Variants in CCL28 observed in about 807,000 individuals in gnomAD.
The protein encoded by CCL28 is C-C motif chemokine ligand 28.
A neutral mutation model predicts 7.1 loss-of-function variants in CCL28; 4 were observed. That is an observed-to-expected ratio of 0.56 (90% CI 0.28 to 1.29). The LOEUF (loss-of-function observed/expected upper bound fraction) is 1.29, where lower values mean the gene tolerates loss of function less well. Among genes scored for constraint, CCL28 ranks in the 50% most tolerant of loss-of-function variants. The probability of loss-of-function intolerance (pLI) is 0.11; values close to 1 mark genes in which losing one functional copy is unlikely to be tolerated. For synonymous variants in CCL28, 55 were observed against 57.8 expected (o/e 0.95, Z 0.22); for missense variants, 151 against 163.4 (o/e 0.92, Z 0.41).
At chr5:43,371,239 G>A in the CCL28 span, among the ~76,000 whole-genome samples, 1 of 152,090 alleles carries the variant, frequency 6.6e-6, no homozygotes, top group Non-Finnish European at 1.5e-5. Context: ...CTTCTCCCCA[G>A]AGTAACCATT....
rs1740020879 is a variant in CCL28, at chr5:43,379,530, T to C, written c.*2330A>G. On this transcript the variant is annotated 3_prime_UTR_variant, in exon 3 of 3. Transcript: ENST00000361115. ...AAAGCTTGCAGAAATGTCAGGAAAA[T>C]AAATAAATTAAATGCTAAATAGTCA... 6.6e-6 allele frequency: 1 copy of C among 152,000 alleles called. No individual in the cohort carries two copies. The highest frequency in any genetic ancestry group is 1.5e-5 in the Non-Finnish European group (1 of 67,986). 9.4% of individuals were successfully genotyped at this position (152,000 alleles called of 1,614,324 possible).
At chr5:43,364,275 C>G in the CCL28 span, among the ~76,000 whole-genome samples, 2 of 151,494 alleles carry the variant, frequency 1.3e-5, no homozygotes, top group South Asian at 4.2e-4. Flanking sequence ...AAGGAAAGGA[C>G]AGTAATTTTC....
chr5:43,361,608 T>C, the CCL28 span, among the ~76,000 whole-genome samples: 1 of 152,150 alleles, frequency 6.6e-6, no homozygotes, highest in South Asian at 2.1e-4. Flanking sequence ...TCTTCCATGG[T>C]TTTTATAGTT....
chr5:43,374,742 CTGCAATCCAGCT>C (rs890826533), downstream of CCL28, among the ~76,000 whole-genome samples: 1 of 148,532 alleles, frequency 6.7e-6, no homozygotes, highest in Non-Finnish European at 1.5e-5. Flanking sequence ...GATCGAGCCA[CTGCAATCCAGCT>C]TGGGCGACAG....
At chr5:43,409,398 C>T (rs894521012) in intron 1 of CCL28, among the ~76,000 whole-genome samples, 1 of 152,062 alleles carries the variant, frequency 6.6e-6, no homozygotes, top group African/African-American at 2.4e-5. Context: ...TGCACTCCAG[C>T]CTGGGCGACA....
the CCL28 span, among the ~76,000 whole-genome samples, chr5:43,359,861 C>T: frequency 2.6e-3 from 397 of 152,114 alleles, 1 homozygote; most frequent in Middle Eastern, 0.017. Context: ...CAAAATCAGT[C>T]CCATGGCCCC....
chr5:43,401,661 A>T (rs757322833), intron 1 of CCL28, among the ~76,000 whole-genome samples: 40 of 152,232 alleles, frequency 2.6e-4, no homozygotes, highest in Non-Finnish European at 4.9e-4. Flanking sequence ...AACACTCAAT[A>T]AATGGAAACA....
In CCL28 at chr5:43,379,843, G is replaced by A. The variant is rs564001256; in HGVS notation, c.*2017C>T. On this transcript the variant is annotated 3_prime_UTR_variant, in exon 3 of 3. Transcript: ENST00000361115. ...GGTATCAACTCAAACGTGTGAGCCC[G>A]GCATGGTGGCTCACGCTGGTAATTC... 3.3e-5 allele frequency: 5 copies of A among 152,342 alleles called. No homozygotes were observed. The highest frequency in any genetic ancestry group is 7.2e-5 in the African/African-American group (3 of 41,556). 9.4% of individuals were successfully genotyped at this position (152,342 alleles called of 1,614,324 possible).
intron 1 of CCL28, chr5:43,396,978 G>A (rs1044731699): frequency 3.3e-5 from 5 of 152,178 alleles, no homozygotes; most frequent in African/African-American, 1.2e-4. Flanking sequence ...TTACCTGGGC[G>A]ACGTCCAGCC....
chr5:43,373,209 G>A (rs776720926), downstream of CCL28, among the ~76,000 whole-genome samples: 8 of 152,154 alleles, frequency 5.3e-5, no homozygotes, highest in Non-Finnish European at 1.0e-4. Flanking sequence ...ACTAGATAGT[G>A]AAGACAGTTC....
intron 1 of CCL28, 63 bp downstream of exon 1, chr5:43,412,190 G>A: frequency 7.3e-7 from 1 of 1,370,806 alleles, no homozygotes; most frequent in Non-Finnish European, 1.0e-6. Context: ...AATCCTTCCA[G>A]CACAGATTTG....
At chr5:43,370,410 G>A in the CCL28 span, among the ~76,000 whole-genome samples, 1 of 151,852 alleles carries the variant, frequency 6.6e-6, no homozygotes, top group Admixed American at 6.6e-5. Context: ...CTTGGTGGTT[G>A]GCATGATACA....
the CCL28 span, among the ~76,000 whole-genome samples, chr5:43,360,311 C>T: frequency 4.5e-3 from 688 of 151,926 alleles, no homozygotes; most frequent in Non-Finnish European, 7.5e-3. Context: ...ATTTTAGGTT[C>T]AAGTGCAGGT....
intron 1 of CCL28, among the ~76,000 whole-genome samples, chr5:43,400,832 C>A (rs966701828): frequency 2.6e-5 from 4 of 152,136 alleles, no homozygotes; most frequent in Admixed American, 6.5e-5. Flanking sequence ...CGCCTGTAAT[C>A]CCAGCACTTT....
At chr5:43,363,550 G>T in the CCL28 span, among the ~76,000 whole-genome samples, 19 of 152,220 alleles carry the variant, frequency 1.2e-4, no homozygotes, top group African/African-American at 3.9e-4. Flanking sequence ...ACTCACTGAA[G>T]TAGAAAGAAT....
intron 1 of CCL28, among the ~76,000 whole-genome samples, chr5:43,411,187 A>G (rs1003138218): frequency 3.9e-5 from 6 of 152,210 alleles, no homozygotes; most frequent in African/African-American, 1.4e-4. Context: ...TTCAGTTTTA[A>G]AATGTTGGCT....
chr5:43,370,417 T>C, the CCL28 span, among the ~76,000 whole-genome samples: 1 of 152,246 alleles, frequency 6.6e-6, no homozygotes, highest in Non-Finnish European at 1.5e-5. Flanking sequence ...GTTGGCATGA[T>C]ACACCCAGGA....
At chr5:43,387,417 T>C (rs1211002936) in intron 2 of CCL28, among the ~76,000 whole-genome samples, 2 of 152,184 alleles carry the variant, frequency 1.3e-5, no homozygotes, top group Admixed American at 6.5e-5. Context: ...AGAGCCTCCA[T>C]AGAAATGTTA....
chr5:43,398,990 A>G (rs1740926658), intron 1 of CCL28, among the ~76,000 whole-genome samples: 1 of 152,134 alleles, frequency 6.6e-6, no homozygotes, highest in Non-Finnish European at 1.5e-5. Flanking sequence ...AATTTTTACT[A>G]TGTCAGTAAC....
Sources: gnomAD v4.1 joint callset for allele counts (sites outside exome capture counted in the v4.1 genomes callset) on GRCh38, gnomAD v4.1.1 for gene constraint, MANE v1.5 for transcripts, NCBI Gene and HGNC (gene_info 2026-07-23, HGNC 2026-07-21) for gene names.